Variants in PLCG2 observed in about 807,000 individuals in gnomAD.
PLCG2 encodes the protein 1-phosphatidylinositol 4,5-bisphosphate phosphodiesterase gamma-2.
Under a neutral mutation model 175.6 loss-of-function variants are expected in PLCG2, and 69 were observed. That is an observed-to-expected ratio of 0.39 (90% CI 0.32 to 0.48). The LOEUF (loss-of-function observed/expected upper bound fraction) is 0.48, where lower values mean the gene tolerates loss of function less well. PLCG2 is among the 20% of genes least tolerant of loss of function. The pLI is 0.91. For synonymous variants in PLCG2, 827 were observed against 624.0 expected (o/e 1.33, Z -4.85); for missense variants, 1,798 against 1,650.9 (o/e 1.09, Z -1.54).
chr16:81,816,683 G>C (rs1904567479), intron 2 of PLCG2, among the ~76,000 whole-genome samples: 1 of 21,328 alleles, frequency 4.7e-5, no homozygotes, highest in Admixed American at 6.3e-4. Flanking sequence ...TTTTTTTTTA[G>C]TAGAGGTGGG....
In PLCG2 at chr16:81,797,517, G is replaced by A. The variant is rs561175322; in HGVS notation, c.193+11335G>A. Among the ~76,000 whole-genome samples the A allele has an allele frequency of 5.3e-5, 8 of 152,328 alleles. No homozygotes were observed. In the South Asian group the frequency reaches 1.4e-3, roughly 28 times the overall value. On this transcript the variant is annotated intron_variant, in intron 2 of 32. Transcript: ENST00000564138. The stretch of plus-strand genomic sequence containing the variant: ...TCCTGACCCACAGACTAAGAGTGCT[G>A]GGAGGCCAGGGACCCTGTCTGTTCT...
At position 81,931,522 on chromosome 16, in the gene PLCG2, G is replaced by C; in HGVS notation, c.2607G>C (p.Gln869His). Residue 869 changes from glutamine (Q) to histidine (H), a missense_variant, in exon 25 of 33, where the codon CAG (glutamine) becomes CAC (histidine). By Grantham distance (24) the Gln-to-His change is conservative. Coordinates refer to ENST00000564138, the MANE Select transcript of PLCG2 (RefSeq NM_002661.5). Reference sequence around the variant, plus strand: ...TGAAAGCCCCTCAGGGAAAAAACCAGAAGTCCTTTGTCTTCATCCTGGAGC... The same window carrying C: ...TGAAAGCCCCTCAGGGAAAAAACCACAAGTCCTTTGTCTTCATCCTGGAGC... ...NVVKAPQGKN[Q>H]KSFVFILEPK... 1 of 1,614,062 alleles carries C rather than the reference G, an allele frequency of 6.2e-7. No individual in the cohort carries two copies. The highest frequency in any genetic ancestry group is 8.5e-7 in the Non-Finnish European group (1 of 1,180,000).
chr16:81,777,294 A>G (rs1413798105), upstream of PLCG2, among the ~76,000 whole-genome samples: 1 of 152,196 alleles, frequency 6.6e-6, no homozygotes, highest in African/African-American at 2.4e-5. Context: ...CAAGAGACTT[A>G]ACCCACTCCC....
intron 5 of PLCG2, 128 bp downstream of exon 5, chr16:81,859,291 G>A (rs376870668): frequency 8.0e-5 from 51 of 641,104 alleles, no homozygotes; most frequent in South Asian, 6.0e-4. Flanking sequence ...TGTGATCTGC[G>A]GATGCCATGT....
In PLCG2 at chr16:81,744,105, G is replaced by A. The variant is rs143001748; in HGVS notation, c.-145+4720G>A. Among the ~76,000 whole-genome samples the A allele has an allele frequency of 2.8e-3, 421 of 151,350 alleles. 3 individuals carry two copies. Among genetic ancestry groups the A allele is most frequent in the African/African-American group, 9.6e-3 (397 of 41,186 alleles). On this transcript the variant is annotated intron_variant, in intron 1 of 5. Coordinates refer to the PLCG2 transcript ENST00000565054. ...AAACTCCTGACCTCGTAATCCACCC[G>A]CCTCGGCCTCCCAAAGTGCTGGGAT...
At chr16:81,873,085 A>C (rs528198259) in intron 7 of PLCG2, among the ~76,000 whole-genome samples, 64 of 152,296 alleles carry the variant, frequency 4.2e-4, no homozygotes, top group Middle Eastern at 6.8e-3. Flanking sequence ...TCTCATATAT[A>C]ATAATTAGTT....
At chr16:81,759,154 A>G (rs1909989318) in intron 2 of PLCG2, among the ~76,000 whole-genome samples, 2 of 152,094 alleles carry the variant, frequency 1.3e-5, no homozygotes, top group South Asian at 2.1e-4. Context: ...TTGTCTTTTC[A>G]TTATTGAGTT....
At chr16:81,796,873 A>G (rs1303609740) in intron 2 of PLCG2, among the ~76,000 whole-genome samples, 2 of 152,126 alleles carry the variant, frequency 1.3e-5, no homozygotes, top group African/African-American at 4.8e-5. Flanking sequence ...TCGGCCATCC[A>G]ATTTTTGGTA....
intron 2 of PLCG2, among the ~76,000 whole-genome samples, chr16:81,815,732 G>A (rs1904514413): frequency 6.6e-6 from 1 of 152,110 alleles, no homozygotes; most frequent in Admixed American, 6.6e-5. Flanking sequence ...CTTCTTGGTG[G>A]AAACCTTTGT....
rs147151253 is a variant in PLCG2 at position 81,863,735 on chromosome 16, C to T, written c.479+4572C>T. On this transcript the variant is annotated intron_variant, in intron 5 of 32. Coordinates refer to ENST00000564138, the MANE Select transcript of PLCG2 (RefSeq NM_002661.5). ...ATCCTCACCAACACTTACTTCCTTT[C>T]CCTCCTCTGCCCTTGCCCCCTTGGC... is the stretch of plus-strand genomic sequence containing the variant. Among the ~76,000 whole-genome samples the T allele has an allele frequency of 2.2e-3, 341 of 152,348 alleles. 1 individual carries two copies. Among genetic ancestry groups the T allele is most frequent in the Admixed American group, 3.9e-3 (59 of 15,308 alleles).
At chr16:81,920,581 G>T (rs1346437418) in intron 20 of PLCG2, among the ~76,000 whole-genome samples, 1 of 152,156 alleles carries the variant, frequency 6.6e-6, no homozygotes, top group Non-Finnish European at 1.5e-5. Context: ...AGCAGTGAAT[G>T]GGATCTGGGG....
At chr16:81,921,141 T>A in intron 20 of PLCG2, 57 bp from the exon 21 acceptor site, 1 of 1,055,988 alleles carries the variant, frequency 9.5e-7, no homozygotes, top group Non-Finnish European at 1.5e-6. Context: ...TTGTTATATG[T>A]AAGGGCTATT....
intron 1 of PLCG2, among the ~76,000 whole-genome samples, chr16:81,783,858 C>T (rs937586089): frequency 6.6e-6 from 1 of 152,132 alleles, no homozygotes; most frequent in Non-Finnish European, 1.5e-5. Context: ...CTCTGTTCTG[C>T]CTCCTAGCCT....
intron 30 of PLCG2, among the ~76,000 whole-genome samples, chr16:81,945,644 T>G (rs1911120791): frequency 6.6e-6 from 1 of 152,156 alleles, no homozygotes; most frequent in African/African-American, 2.4e-5. Context: ...TTTAAATGAC[T>G]GTGAAAGACA....
chr16:81,935,866 A>T, intron 26 of PLCG2: 4 of 985,164 alleles, frequency 4.1e-6, no homozygotes, highest in South Asian at 9.4e-5. Flanking sequence ...CTCTTCTATA[A>T]CTGTACCACT....
intron 5 of PLCG2, among the ~76,000 whole-genome samples, chr16:81,864,795 T>C (rs1357140047): frequency 6.6e-6 from 1 of 152,140 alleles, no homozygotes; most frequent in Non-Finnish European, 1.5e-5. Context: ...GATGGCTGCC[T>C]GGGTGCGGGA....
intron 2 of PLCG2, among the ~76,000 whole-genome samples, chr16:81,846,882 C>T (rs1415235216): frequency 6.6e-6 from 1 of 152,104 alleles, no homozygotes; most frequent in African/African-American, 2.4e-5. Flanking sequence ...ACTTTTGACA[C>T]CAGATGTGTA....
At chr16:81,943,023 G>A (rs1032591482) in intron 30 of PLCG2, among the ~76,000 whole-genome samples, 1 of 152,146 alleles carries the variant, frequency 6.6e-6, no homozygotes, top group East Asian at 1.9e-4. Flanking sequence ...TGAGGGCAGA[G>A]CTCATGTCTC....
At chr16:81,952,729 TAATA>T (rs1911416037) in intron 31 of PLCG2, among the ~76,000 whole-genome samples, 1 of 152,206 alleles carries the variant, frequency 6.6e-6, no homozygotes, top group Non-Finnish European at 1.5e-5. Flanking sequence ...GAATTCTGAT[TAATA>T]AATGTAGAAG....
Sources: allele counts gnomAD v4.1 joint callset (sites outside exome capture counted in the v4.1 genomes callset), GRCh38; gene constraint gnomAD v4.1.1; transcripts MANE v1.5; gene names NCBI Gene and HGNC (gene_info 2026-07-23, HGNC 2026-07-21).